Variants in CDH12 observed in about 807,000 individuals in gnomAD.
CDH12 encodes the protein cadherin 12.
A neutral mutation model predicts 74.1 loss-of-function variants in CDH12; 41 were observed. The ratio of observed to expected loss-of-function variants is 0.55; its 90% confidence interval spans 0.43 to 0.72. The LOEUF (loss-of-function observed/expected upper bound fraction) is 0.72. Ranked by LOEUF, CDH12 falls within the 30% of genes least tolerant of loss-of-function variation. The pLI is 0.00. For missense variants in CDH12, 945 were observed against 977.2 expected (o/e 0.97, Z 0.44); for synonymous variants, 399 against 355.0 (o/e 1.12, Z -1.39).
At chr5:22,657,153 A>G (rs1740088137) in intron 1 of CDH12, among the ~76,000 whole-genome samples, 1 of 152,194 alleles carries the variant, frequency 6.6e-6, no homozygotes, top group Non-Finnish European at 1.5e-5. Flanking sequence ...ATTGCCAGAG[A>G]AAAAAGATGA....
intron 2 of CDH12, among the ~76,000 whole-genome samples, chr5:22,444,529 T>C (rs1487874795): frequency 7.1e-6 from 1 of 141,072 alleles, no homozygotes; most frequent in African/African-American, 2.6e-5. Flanking sequence ...TGTCACACAG[T>C]TTTTTAACAG....
intron 2 of CDH12, among the ~76,000 whole-genome samples, chr5:22,493,194 A>C (rs1746959400): frequency 6.6e-6 from 1 of 152,192 alleles, no homozygotes; most frequent in African/African-American, 2.4e-5. Flanking sequence ...TTTTCTGACC[A>C]CCAATCTGAA....
At chr5:21,857,116 C>T (rs563966444) in intron 6 of CDH12, among the ~76,000 whole-genome samples, 14 of 151,844 alleles carry the variant, frequency 9.2e-5, no homozygotes, top group South Asian at 4.1e-4. Context: ...TGCAAATCTC[C>T]GAGGACTACC....
intron 1 of CDH12, among the ~76,000 whole-genome samples, chr5:22,682,023 T>C (rs1741521616): frequency 6.6e-6 from 1 of 152,084 alleles, no homozygotes; most frequent in South Asian, 2.1e-4. Context: ...CTGCAAACCC[T>C]ACAGTGTTAA....
intron 3 of CDH12, among the ~76,000 whole-genome samples, chr5:22,296,606 A>G (rs1737633580): frequency 6.6e-6 from 1 of 152,214 alleles, no homozygotes; most frequent in Non-Finnish European, 1.5e-5. Context: ...AAATATTTCT[A>G]AACAAACAAT....
chr5:22,692,841 C>T (rs1330346471), intron 1 of CDH12, among the ~76,000 whole-genome samples: 1 of 151,888 alleles, frequency 6.6e-6, no homozygotes, highest in Non-Finnish European at 1.5e-5. Context: ...AAACCATTGC[C>T]TCCCATTTGT....
chr5:22,700,621 A>C (rs1443241595), intron 1 of CDH12, among the ~76,000 whole-genome samples: 2 of 152,212 alleles, frequency 1.3e-5, no homozygotes, highest in Non-Finnish European at 2.9e-5. Context: ...AGTATTGTTG[A>C]ATCTGTATAT....
intron 3 of CDH12, among the ~76,000 whole-genome samples, chr5:22,390,044 C>G (rs1742171796): frequency 6.6e-6 from 1 of 151,870 alleles, no homozygotes. Context: ...CACATGCACG[C>G]ACACGCTAGG....
chr5:22,840,078 C>A (rs1333534313), intron 1 of CDH12, among the ~76,000 whole-genome samples: 1 of 152,088 alleles, frequency 6.6e-6, no homozygotes, highest in Non-Finnish European at 1.5e-5. Context: ...TTATTATAAG[C>A]AAATATATAA....
At chr5:22,209,849 AACAGTCACCAT>A (rs1751430041) in intron 4 of CDH12, among the ~76,000 whole-genome samples, 1 of 152,162 alleles carries the variant, frequency 6.6e-6, no homozygotes, top group Non-Finnish European at 1.5e-5. Context: ...AAGGGCTGGA[AACAGTCACCAT>A]ATATGAGGTA....
At chr5:22,273,092 C>T (rs1323912949) in intron 3 of CDH12, among the ~76,000 whole-genome samples, 1 of 152,060 alleles carries the variant, frequency 6.6e-6, no homozygotes, top group East Asian at 1.9e-4. Context: ...GGTCCCTCCC[C>T]CAACATGTGG....
intron 4 of CDH12, among the ~76,000 whole-genome samples, chr5:22,123,487 A>G (rs1745643852): frequency 6.6e-6 from 1 of 152,178 alleles, no homozygotes; most frequent in African/African-American, 2.4e-5. Context: ...GACAAATCCA[A>G]AGTTTAGTAT....
intron 4 of CDH12, among the ~76,000 whole-genome samples, chr5:22,120,604 A>C (rs1745452876): frequency 6.6e-6 from 1 of 152,156 alleles, no homozygotes; most frequent in Non-Finnish European, 1.5e-5. Flanking sequence ...GGAAATGTGA[A>C]CATATTTATG....
chr5:21,912,838 T>G (rs1353484086), intron 6 of CDH12, among the ~76,000 whole-genome samples: 1 of 152,058 alleles, frequency 6.6e-6, no homozygotes, highest in African/African-American at 2.4e-5. Context: ...AAAAGGGTGC[T>G]GGTTTCTTTT....
At chr5:22,835,907 C>T (rs564669309) in intron 1 of CDH12, among the ~76,000 whole-genome samples, 39 of 152,138 alleles carry the variant, frequency 2.6e-4, no homozygotes, top group Non-Finnish European at 4.4e-4. Context: ...GATTGTCCTA[C>T]TGTGTCATTT....
At chr5:22,028,877 G>A (rs537063875) in intron 5 of CDH12, among the ~76,000 whole-genome samples, 1 of 152,310 alleles carries the variant, frequency 6.6e-6, no homozygotes, top group East Asian at 1.9e-4. Flanking sequence ...CAAGGCTACA[G>A]TAACCAAAAC....
chr5:22,756,206 CTA>C (rs902925632), intron 1 of CDH12, among the ~76,000 whole-genome samples: 3 of 150,894 alleles, frequency 2.0e-5, no homozygotes, highest in African/African-American at 7.3e-5. Flanking sequence ...GGTGGTCTAT[CTA>C]TGTTTGTTGA....
At chr5:21,822,092 A>G (rs927169029) in intron 8 of CDH12, among the ~76,000 whole-genome samples, 1 of 151,982 alleles carries the variant, frequency 6.6e-6, no homozygotes. Flanking sequence ...TGATCGTTTA[A>G]AATATCTCTC....
intron 2 of CDH12, among the ~76,000 whole-genome samples, chr5:22,458,963 A>G (rs930412970): frequency 1.7e-4 from 26 of 152,234 alleles, no homozygotes; most frequent in African/African-American, 6.3e-4. Flanking sequence ...GAATAAGTAT[A>G]TCCATTTAAT....
Sources: gnomAD v4.1 joint callset for allele counts (sites outside exome capture counted in the v4.1 genomes callset) on GRCh38, gnomAD v4.1.1 for gene constraint, MANE v1.5 for transcripts, NCBI Gene and HGNC (gene_info 2026-07-23, HGNC 2026-07-21) for gene names.